The following AFG2B variants were observed in gnomAD, a reference collection of about 807,000 sequenced individuals.
AFG2B encodes ATPase family gene 2 protein homolog B.
the AFG2B span, among the ~76,000 whole-genome samples, chr15:45,406,047 A>G: frequency 6.6e-6 from 1 of 152,142 alleles, no homozygotes; most frequent in East Asian, 1.9e-4. Flanking sequence ...ATTTCTGAAA[A>G]ACAAGGACCT....
At chr15:45,419,294 A>G in the AFG2B span, among the ~76,000 whole-genome samples, 71,397 of 151,930 alleles carry the variant, frequency 0.47, 21,502 homozygotes, top group East Asian at 0.83. Context: ...GAAAAAATAA[A>G]AAATTAGTCA....
chr15:45,410,310 C>G, the AFG2B span: 1 of 1,553,232 alleles, frequency 6.4e-7, no homozygotes, highest in Non-Finnish European at 8.8e-7. Context: ...ACAAATTGTG[C>G]TATAAAAAAA....
chr15:45,419,640 A>G, the AFG2B span, among the ~76,000 whole-genome samples: 1 of 152,188 alleles, frequency 6.6e-6, no homozygotes, highest in Non-Finnish European at 1.5e-5. Flanking sequence ...ATCACTACTT[A>G]TGTCAAGAAA....
At chr15:45,405,499 T>G in the AFG2B span, 3 of 1,612,950 alleles carry the variant, frequency 1.9e-6, no homozygotes, top group Admixed American at 3.3e-5. Flanking sequence ...TCCTTCATAG[T>G]GAGAAGGTAA....
chr15:45,403,158 C>T, the AFG2B span: 8 of 1,457,544 alleles, frequency 5.5e-6, no homozygotes, highest in African/African-American at 7.4e-5. Flanking sequence ...CGGGGCCCCC[C>T]GGAGTGGGCA....
the AFG2B span, among the ~76,000 whole-genome samples, chr15:45,413,738 C>G: frequency 1.3e-5 from 2 of 152,302 alleles, no homozygotes; most frequent in Admixed American, 6.5e-5. Flanking sequence ...TGATCTGACT[C>G]CTACCTCCAC....
At chr15:45,419,775 T>C in the AFG2B span, among the ~76,000 whole-genome samples, 1 of 151,840 alleles carries the variant, frequency 6.6e-6, no homozygotes, top group East Asian at 1.9e-4. Flanking sequence ...CAGCATTTTG[T>C]TGGGGCCAAG....
At chr15:45,405,651 C>G in the AFG2B span, 1 of 751,830 alleles carries the variant, frequency 1.3e-6, no homozygotes, top group East Asian at 2.8e-5. Context: ...CATCTCAACT[C>G]TATATAAATA....
At chr15:45,402,367 C>G in the AFG2B span, 4 of 1,550,772 alleles carry the variant, frequency 2.6e-6, no homozygotes, top group Admixed American at 2.2e-5. Context: ...CTCGGTGTTC[C>G]GCTTTTTGTG....
At chr15:45,413,003 C>A in the AFG2B span, among the ~76,000 whole-genome samples, 1 of 149,188 alleles carries the variant, frequency 6.7e-6, no homozygotes. Flanking sequence ...CTCCAGTGAA[C>A]CCTAGAATTT....
At chr15:45,415,424 G>C in the AFG2B span, among the ~76,000 whole-genome samples, 1 of 151,598 alleles carries the variant, frequency 6.6e-6, no homozygotes, top group Non-Finnish European at 1.5e-5. Context: ...CTTGAGCCTG[G>C]GAGGCAGAAG....
the AFG2B span, among the ~76,000 whole-genome samples, chr15:45,420,051 A>G: frequency 6.7e-6 from 1 of 150,256 alleles, no homozygotes; most frequent in African/African-American, 2.4e-5. Context: ...TCTCCTGACT[A>G]ACAACAGTGG....
the AFG2B span, chr15:45,415,646 A>G: frequency 3.1e-6 from 5 of 1,614,186 alleles, no homozygotes; most frequent in Non-Finnish European, 4.2e-6. Context: ...AAATTGATTC[A>G]ATCTTGGGAG....
chr15:45,421,135 G>C, the AFG2B span: 1 of 1,612,998 alleles, frequency 6.2e-7, no homozygotes, highest in Non-Finnish European at 8.5e-7. Flanking sequence ...TAAAACCGTC[G>C]TTAAGTTGCA....
chr15:45,421,048 T>A, the AFG2B span: 1 of 1,609,808 alleles, frequency 6.2e-7, no homozygotes, highest in Admixed American at 1.7e-5. Flanking sequence ...AATAGGCTGC[T>A]TTGCTGGCTC....
chr15:45,415,608 A>G, the AFG2B span: 2 of 1,614,106 alleles, frequency 1.2e-6, no homozygotes, highest in Non-Finnish European at 8.5e-7. Flanking sequence ...AGCAAGAGCA[A>G]GCACTCCAGC....
chr15:45,410,444 C>T, the AFG2B span: 11 of 1,613,664 alleles, frequency 6.8e-6, no homozygotes, highest in African/African-American at 4.0e-5. Flanking sequence ...CTCATCGTTT[C>T]GAAGCGTCAT....
At chr15:45,415,816 A>G in the AFG2B span, 1 of 1,593,734 alleles carries the variant, frequency 6.3e-7, no homozygotes, top group Admixed American at 1.7e-5. Context: ...AGAGGTATTT[A>G]TTAGCCAGAA....
At chr15:45,409,711 A>AT in the AFG2B span, among the ~76,000 whole-genome samples, 9 of 151,712 alleles carry the variant, frequency 5.9e-5, no homozygotes, top group Non-Finnish European at 1.3e-4. Context: ...AAAAAAATAT[A>AT]TATATTTTTT....
Sources: gnomAD v4.1 joint callset for allele counts (sites outside exome capture counted in the v4.1 genomes callset) on GRCh38, gnomAD v4.1.1 for gene constraint, MANE v1.5 for transcripts, NCBI Gene and HGNC (gene_info 2026-07-23, HGNC 2026-07-21) for gene names.